Variants in FARP1 observed in about 807,000 individuals in gnomAD.
FARP1 encodes FERM, ARH/RhoGEF and pleckstrin domain protein 1, also known as FERM, ARHGEF and pleckstrin domain-containing protein 1.
Under a neutral mutation model 128.8 loss-of-function variants are expected in FARP1, and 52 were observed. That is an observed-to-expected ratio of 0.40 (90% CI 0.32 to 0.51). The LOEUF is 0.51. Ranked by LOEUF, FARP1 falls within the 20% of genes least tolerant of loss-of-function variation. The pLI is 0.45. For missense variants in FARP1, 1,333 were observed against 1,367.9 expected, an observed-to-expected ratio of 0.97 and a Z score of 0.40; for synonymous variants, 580 against 551.8, an observed-to-expected ratio of 1.05 and a Z score of -0.72.
At chr13:98,428,827 G>C (rs1200133760) in intron 17 of FARP1, among the ~76,000 whole-genome samples, 1 of 152,238 alleles carries the variant, frequency 6.6e-6, no homozygotes, top group Non-Finnish European at 1.5e-5. Context: ...GTGACGACAT[G>C]CCAGGATGTT....
chr13:98,339,974 G>A (rs759554201), intron 2 of FARP1, among the ~76,000 whole-genome samples: 9 of 152,044 alleles, frequency 5.9e-5, no homozygotes, highest in Non-Finnish European at 1.2e-4. Flanking sequence ...CACAGAAACC[G>A]CTGCTGACTC....
chr13:98,420,468 T>C (rs537253039), intron 16 of FARP1, among the ~76,000 whole-genome samples: 1 of 152,308 alleles, frequency 6.6e-6, no homozygotes, highest in Admixed American at 6.5e-5. Flanking sequence ...GCTCACGTTG[T>C]GGTGAACGAA....
At chr13:98,241,428 A>T (rs367945418) in intron 2 of FARP1, among the ~76,000 whole-genome samples, 2 of 152,086 alleles carry the variant, frequency 1.3e-5, no homozygotes, top group East Asian at 3.9e-4. Context: ...CATGGAAGAG[A>T]CCACCTCTCT....
At chr13:98,196,934 C>T (rs1452699329) in intron 1 of FARP1, among the ~76,000 whole-genome samples, 2 of 152,060 alleles carry the variant, frequency 1.3e-5, no homozygotes, top group Non-Finnish European at 2.9e-5. Context: ...TGAAGTATTC[C>T]AGGATAAGGT....
chr13:98,436,077 GT>G, intron 19 of FARP1: 1 of 301,042 alleles, frequency 3.3e-6, no homozygotes, highest in South Asian at 3.2e-5. Context: ...CAGAAAGGTA[GT>G]GCATTAAATT....
At chr13:98,444,526 G>C (rs1271124098) in intron 24 of FARP1, among the ~76,000 whole-genome samples, 1 of 152,206 alleles carries the variant, frequency 6.6e-6, no homozygotes, top group Admixed American at 6.5e-5. Flanking sequence ...TGAGTGCAGG[G>C]CAGGAGACTC....
intron 1 of FARP1, among the ~76,000 whole-genome samples, chr13:98,211,606 C>T (rs1046051753): frequency 6.6e-6 from 1 of 152,164 alleles, no homozygotes; most frequent in Non-Finnish European, 1.5e-5. Flanking sequence ...GTTTCTGTCC[C>T]GTAACTCTGT....
intron 13 of FARP1, chr13:98,403,719 C>G (rs1194165867): frequency 6.6e-6 from 1 of 152,172 alleles, no homozygotes; most frequent in Non-Finnish European, 1.5e-5. Context: ...AAAGCATGGA[C>G]TCATACCACT....
intron 17 of FARP1, among the ~76,000 whole-genome samples, chr13:98,429,839 T>C (rs567782491): frequency 6.6e-6 from 1 of 152,370 alleles, no homozygotes; most frequent in South Asian, 2.1e-4. Flanking sequence ...GATACTACCA[T>C]AGGCTTTTCT....
rs191679018 is a variant in FARP1, at chr13:98,174,310, C to T, written c.-24+30818C>T. 7.9e-5 allele frequency among the ~76,000 whole-genome samples: 12 copies of T among 152,310 alleles called. No individual in the cohort carries two copies. The East Asian group carries it at 1.9e-3, about 24-fold the overall frequency. On this transcript the variant is annotated intron_variant, in intron 1 of 26. Coordinates refer to ENST00000319562, the MANE Select transcript of FARP1 (RefSeq NM_005766.4). ...TTTTCAAAAGGTTGGTGACTTGGAG[C>T]ACTTGTTGACAAGGTTCACGAGCGT...
intron 2 of FARP1, among the ~76,000 whole-genome samples, chr13:98,317,840 G>A (rs1886790077): frequency 6.6e-6 from 1 of 151,970 alleles, no homozygotes; most frequent in Admixed American, 6.6e-5. Context: ...TCCTTTCATG[G>A]CAGAGAGAGA....
At chr13:98,195,607 C>T (rs1454058314) in intron 1 of FARP1, among the ~76,000 whole-genome samples, 2 of 152,162 alleles carry the variant, frequency 1.3e-5, no homozygotes, top group African/African-American at 4.8e-5. Context: ...GCCATAGTGC[C>T]TTTCTTTTGT....
chr13:98,365,293 TC>T, intron 3 of FARP1, 101 bp from the exon 4 acceptor site: 2 of 874,828 alleles, frequency 2.3e-6, no homozygotes, highest in Non-Finnish European at 3.7e-6. Flanking sequence ...CCTCATATCC[TC>T]AAAAATATTT....
chr13:98,282,629 G>T (rs1884984459), intron 2 of FARP1, among the ~76,000 whole-genome samples: 1 of 152,194 alleles, frequency 6.6e-6, no homozygotes, highest in South Asian at 2.1e-4. Context: ...TCTGGGCCAG[G>T]CGCCGTGGCT....
chr13:98,398,085 G>A (rs1305279484), intron 13 of FARP1: 1 of 152,178 alleles, frequency 6.6e-6, no homozygotes, highest in Non-Finnish European at 1.5e-5. Context: ...ACACTGAGTA[G>A]AATTTGGCAG....
intron 2 of FARP1, among the ~76,000 whole-genome samples, chr13:98,279,409 T>C (rs748897989): frequency 2.6e-5 from 4 of 152,350 alleles, no homozygotes; most frequent in Admixed American, 6.5e-5. Flanking sequence ...CCCCCTTGCA[T>C]ATGCCATTTG....
At chr13:98,396,172 C>G (rs555063970) in intron 13 of FARP1, 99 of 399,218 alleles carry the variant, frequency 2.5e-4, no homozygotes, top group African/African-American at 1.8e-3. Context: ...CGCAGCTGCT[C>G]CCGAGGGTAG....
intron 1 of FARP1, among the ~76,000 whole-genome samples, chr13:98,143,968 CG>C (rs1288708467): frequency 1.3e-5 from 2 of 152,078 alleles, no homozygotes; most frequent in African/African-American, 4.8e-5. Context: ...CGCCCACGCG[CG>C]GCGCGAGGGT....
chr13:98,216,076 A>C (rs1409136789), intron 2 of FARP1, among the ~76,000 whole-genome samples: 1 of 152,190 alleles, frequency 6.6e-6, no homozygotes, highest in East Asian at 1.9e-4. Context: ...GGTGGGAGCC[A>C]TCACACCTGG....
Sources: gnomAD v4.1 joint callset for allele counts (sites outside exome capture counted in the v4.1 genomes callset) on GRCh38, gnomAD v4.1.1 for gene constraint, MANE v1.5 for transcripts, NCBI Gene and HGNC (gene_info 2026-07-23, HGNC 2026-07-21) for gene names.